The following DNM1L variants were observed in gnomAD, a reference collection of about 807,000 sequenced individuals.
The protein encoded by DNM1L is dynamin 1L, also known as dynamin-1-like protein.
In DNM1L, 33 loss-of-function variants were observed where a neutral mutation model predicts 92.8. The ratio of observed to expected loss-of-function variants is 0.36; its 90% confidence interval spans 0.27 to 0.48. DNM1L has a LOEUF of 0.48. Among genes scored for constraint, DNM1L ranks in the 20% least tolerant of loss-of-function variants. The pLI is 0.99. For synonymous variants in DNM1L, 284 were observed against 305.0 expected (o/e 0.93, Z 0.72); for missense variants, 485 against 888.8 (o/e 0.55, Z 5.78).
At chr12:32,684,534 A>G (rs1012156851) in intron 1 of DNM1L, among the ~76,000 whole-genome samples, 3 of 150,748 alleles carry the variant, frequency 2.0e-5, no homozygotes, top group African/African-American at 7.4e-5. Flanking sequence ...CTGGAGTGCA[A>G]TGGCACAATC....
At chr12:32,737,382 GC>G in intron 14 of DNM1L, 1 of 513,528 alleles carries the variant, frequency 1.9e-6, no homozygotes, top group Non-Finnish European at 3.4e-6. Flanking sequence ...GTAGATTTAA[GC>G]ATTTATTTAA....
At chr12:32,688,281 G>A (rs1362752261) in intron 1 of DNM1L, among the ~76,000 whole-genome samples, 2 of 152,228 alleles carry the variant, frequency 1.3e-5, no homozygotes, top group Non-Finnish European at 2.9e-5. Context: ...TTGGGATTTT[G>A]ATGGGGATTG....
At chr12:32,685,359 CTTTT>C (rs71298052) in intron 1 of DNM1L, among the ~76,000 whole-genome samples, 32 of 124,422 alleles carry the variant, frequency 2.6e-4, no homozygotes, top group Admixed American at 2.7e-4. Flanking sequence ...GTGGCTGCAC[CTTTT>C]TTTTTTTTTT....
intron 2 of DNM1L, among the ~76,000 whole-genome samples, 155 bp downstream of exon 2, chr12:32,701,717 A>AG (rs1041410962): frequency 1.4e-4 from 21 of 151,786 alleles, no homozygotes; most frequent in African/African-American, 4.8e-4. Context: ...TGTAAAAAAA[A>AG]GAGTAGTTTT....
chr12:32,705,948 T>G (rs1458693836), intron 2 of DNM1L: 125 of 1,287,230 alleles, frequency 9.7e-5, no homozygotes, highest in Non-Finnish European at 1.3e-4. Flanking sequence ...TGTGTGTATT[T>G]TTTTTTCTTC....
rs1164235652 is a variant in DNM1L at position 32,679,384 on chromosome 12, C to T, written c.21C>T (p.Val7=). 1 of 1,613,568 alleles carries T rather than the reference C, an allele frequency of 6.2e-7. No individual in the cohort carries two copies. Among genetic ancestry groups the T allele is most frequent in the African/African-American group, 1.3e-5 (1 of 74,918 alleles). MEALIP[V]INKLQDVFNT... The stretch of plus-strand genomic sequence containing the variant: ...GAGTCATGGAGGCGCTAATTCCTGT[C>T]ATAAACAAGCTCCAGGACGTCTTCA... Residue 7 remains valine (V), a synonymous_variant, in exon 1 of 20, where the codon GTC becomes GTT. Coordinates refer to ENST00000549701, the MANE Select transcript of DNM1L (RefSeq NM_012062.5).
intron 6 of DNM1L, among the ~76,000 whole-genome samples, chr12:32,717,088 T>A (rs188363822): frequency 0.011 from 1,460 of 129,988 alleles, 21 homozygotes; most frequent in East Asian, 0.039. Flanking sequence ...TATATATATT[T>A]TATATATATA....
chr12:32,695,134 G>T (rs2137268000), intron 1 of DNM1L, among the ~76,000 whole-genome samples: 1 of 152,272 alleles, frequency 6.6e-6, no homozygotes, highest in Non-Finnish European at 1.5e-5. Flanking sequence ...ACAGGGCCAA[G>T]ATACCTCAGA....
chr12:32,743,433 C>CTT lies in DNM1L; in HGVS notation c.*25_*26dup. ...TGAAGAGAACTATGTAATACTGAGA[C>CTT]TTTGTTGACTCAAAACTTGCTAGTT... On this transcript the variant is annotated 3_prime_UTR_variant, in exon 20 of 20. Transcript: ENST00000549701. 6.2e-7 allele frequency: 1 copy of CTT among 1,611,780 alleles called. No homozygotes were observed. The highest frequency in any genetic ancestry group is 2.2e-5 in the East Asian group (1 of 44,822).
chr12:32,697,837 CA>C (rs1364787940), intron 1 of DNM1L, among the ~76,000 whole-genome samples: 2 of 151,220 alleles, frequency 1.3e-5, no homozygotes, highest in African/African-American at 4.9e-5. Context: ...GCAAAATCAG[CA>C]AAATATTTGG....
chr12:32,684,657 C>T (rs1378058040), intron 1 of DNM1L, among the ~76,000 whole-genome samples: 2 of 152,024 alleles, frequency 1.3e-5, no homozygotes, highest in African/African-American at 2.4e-5. Context: ...TTAGTAGAGA[C>T]GAGGTTTTGC....
At chr12:32,717,372 A>AG (rs1953482554) in intron 6 of DNM1L, among the ~76,000 whole-genome samples, 1 of 81,824 alleles carries the variant, frequency 1.2e-5, no homozygotes, top group Non-Finnish European at 2.2e-5. Flanking sequence ...TATAATATAT[A>AG]TACTATATAT....
At chr12:32,737,239 A>G (rs1264690535) in intron 14 of DNM1L, 78 bp downstream of exon 14, 2 of 1,499,198 alleles carry the variant, frequency 1.3e-6, no homozygotes, top group Non-Finnish European at 1.8e-6. Context: ...CAGTCCTAGG[A>G]GTAATTTTTT....
intron 3 of DNM1L, among the ~76,000 whole-genome samples, 191 bp from the exon 4 acceptor site, chr12:32,707,962 A>G (rs1371297934): frequency 1.3e-5 from 2 of 151,908 alleles, no homozygotes; most frequent in African/African-American, 2.4e-5. Flanking sequence ...AAGAAAAAAA[A>G]AAAGCCAAAC....
At chr12:32,707,004 A>G (rs1952954192) in intron 2 of DNM1L, 2 of 224,712 alleles carry the variant, frequency 8.9e-6, no homozygotes, top group Non-Finnish European at 1.8e-5. Flanking sequence ...TTTTATATGT[A>G]AGATTTTCAA....
chr12:32,741,786 A>C (rs1387629948), intron 18 of DNM1L, among the ~76,000 whole-genome samples: 1 of 152,222 alleles, frequency 6.6e-6, no homozygotes, highest in Non-Finnish European at 1.5e-5. Context: ...AACATGCTGT[A>C]CATGTTTGCA....
chr12:32,712,649 C>CAAAAAAAAAA (rs59906286), intron 5 of DNM1L, among the ~76,000 whole-genome samples: 18 of 29,794 alleles, frequency 6.0e-4, no homozygotes, highest in South Asian at 1.7e-3. Flanking sequence ...GACCCTGTCT[C>CAAAAAAAAAA]AAAAAAAAAA....
At chr12:32,717,250 T>TATAAA (rs1953445543) in intron 6 of DNM1L, among the ~76,000 whole-genome samples, 1 of 104,498 alleles carries the variant, frequency 9.6e-6, no homozygotes, top group Non-Finnish European at 1.8e-5. Flanking sequence ...TTATATATAG[T>TATAAA]ATATATAGTA....
chr12:32,689,410 T>G (rs2137240246), intron 1 of DNM1L, among the ~76,000 whole-genome samples: 1 of 152,234 alleles, frequency 6.6e-6, no homozygotes, highest in East Asian at 1.9e-4. Context: ...TTAGTCAGTC[T>G]GGTCTCAACC....
Sources: allele counts gnomAD v4.1 joint callset (sites outside exome capture counted in the v4.1 genomes callset), GRCh38; gene constraint gnomAD v4.1.1; transcripts MANE v1.5; gene names NCBI Gene and HGNC (gene_info 2026-07-23, HGNC 2026-07-21).